Variants in HS3ST4 observed in about 807,000 individuals in gnomAD.
HS3ST4 encodes the protein heparan sulfate glucosamine 3-O-sulfotransferase 4.
In HS3ST4, 17 loss-of-function variants were observed where a neutral mutation model predicts 29.2. That is an observed-to-expected ratio of 0.58 (90% CI 0.40 to 0.87). The LOEUF is 0.87. Ranked by LOEUF, HS3ST4 falls within the 40% of genes least tolerant of loss-of-function variation. The probability of loss-of-function intolerance (pLI) is 0.00; values close to 1 mark genes in which losing one functional copy is unlikely to be tolerated. For synonymous variants in HS3ST4, 314 were observed against 285.7 expected, an observed-to-expected ratio of 1.10 and a Z score of -1.00; for missense variants, 627 against 634.5, an observed-to-expected ratio of 0.99 and a Z score of 0.13.
chr16:25,803,392 A>T (rs1294967265), intron 1 of HS3ST4, among the ~76,000 whole-genome samples: 1 of 152,182 alleles, frequency 6.6e-6, no homozygotes. Context: ...GGTGGAGCAG[A>T]CATTTCTTGA....
At chr16:25,844,092 A>G (rs148814460) in intron 1 of HS3ST4, among the ~76,000 whole-genome samples, 173 of 152,318 alleles carry the variant, frequency 1.1e-3, no homozygotes, top group African/African-American at 3.8e-3. Flanking sequence ...TTTGTTTTTT[A>G]AATCTCCCAA....
chr16:25,860,579 G>A (rs566182348), intron 1 of HS3ST4, among the ~76,000 whole-genome samples: 49 of 152,058 alleles, frequency 3.2e-4, no homozygotes, highest in African/African-American at 1.2e-3. Context: ...AAGATATGAA[G>A]GAACCTTAAA....
At chr16:25,955,897 C>G (rs1289589894) in intron 1 of HS3ST4, among the ~76,000 whole-genome samples, 1 of 151,562 alleles carries the variant, frequency 6.6e-6, no homozygotes, top group South Asian at 2.1e-4. Flanking sequence ...TCACTGCAAC[C>G]TCCACCTCCT....
intron 1 of HS3ST4, among the ~76,000 whole-genome samples, chr16:26,013,031 C>T (rs62034500): frequency 0.015 from 2,284 of 152,032 alleles, 23 homozygotes; most frequent in South Asian, 0.036. Context: ...GGTGTGGTGG[C>T]GCGTGCCTGT....
At chr16:25,838,047 A>G (rs1212806910) in intron 1 of HS3ST4, among the ~76,000 whole-genome samples, 1 of 152,252 alleles carries the variant, frequency 6.6e-6, no homozygotes, top group Non-Finnish European at 1.5e-5. Flanking sequence ...ATGAAGGTGC[A>G]GAGAACGGAC....
At chr16:25,726,968 G>T (rs933701042) in intron 1 of HS3ST4, among the ~76,000 whole-genome samples, 1 of 152,038 alleles carries the variant, frequency 6.6e-6, no homozygotes, top group Admixed American at 6.6e-5. Context: ...CTCAGAAGGG[G>T]TGTGGATTCG....
At chr16:25,817,782 T>G (rs1967109010) in intron 1 of HS3ST4, among the ~76,000 whole-genome samples, 1 of 152,260 alleles carries the variant, frequency 6.6e-6, no homozygotes, top group Admixed American at 6.5e-5. Context: ...TTTTATTGCT[T>G]ACATTAGTAA....
Position 25,692,622 on chromosome 16 carries a change from C to A in HS3ST4, c.205C>A (p.Pro69Thr). 7.3e-7 allele frequency: 1 copy of A among 1,370,822 alleles called. No homozygotes were observed. The highest frequency in any genetic ancestry group is 1.5e-5 in the South Asian group (1 of 65,580). 84.9% of individuals were successfully genotyped at this position (1,370,822 alleles called of 1,614,324 possible). ...LQFPLALQES[P>T]GAAAEPPPSP... The stretch of plus-strand genomic sequence containing the variant: ...ATTCCCTCTGGCGCTGCAGGAGTCG[C>A]CGGGCGCCGCCGCCGAGCCCCCGCC... The change falls in exon 1 of 2, where the codon CCG becomes ACG. Residue 69 changes from proline (P) to threonine (T), a missense_variant. By Grantham distance (38) the Pro-to-Thr change is conservative. Coordinates refer to ENST00000331351, the MANE Select transcript of HS3ST4 (RefSeq NM_006040.3).
At chr16:25,895,724 CAGAGGGAA>C (rs1968055594) in intron 1 of HS3ST4, among the ~76,000 whole-genome samples, 1 of 144,016 alleles carries the variant, frequency 6.9e-6, no homozygotes, top group South Asian at 2.4e-4. Flanking sequence ...ACTCACACAG[CAGAGGGAA>C]AGAGGGAAAG....
intron 1 of HS3ST4, among the ~76,000 whole-genome samples, chr16:25,974,886 T>C (rs1027081459): frequency 1.2e-4 from 19 of 152,128 alleles, no homozygotes; most frequent in Non-Finnish European, 2.8e-4. Context: ...TGCCATAATA[T>C]TTGGACTTAG....
chr16:25,949,518 C>G (rs1252353934), intron 1 of HS3ST4, among the ~76,000 whole-genome samples: 1 of 152,116 alleles, frequency 6.6e-6, no homozygotes, highest in African/African-American at 2.4e-5. Context: ...CAGAGCTGGA[C>G]AGAGGCTGAA....
intron 1 of HS3ST4, among the ~76,000 whole-genome samples, chr16:26,094,305 A>G (rs1898896412): frequency 1.3e-5 from 2 of 152,224 alleles, no homozygotes. Flanking sequence ...CCCAAGACAC[A>G]TAATTGTCAG....
At chr16:25,907,835 C>T (rs942058802) in intron 1 of HS3ST4, among the ~76,000 whole-genome samples, 3 of 152,222 alleles carry the variant, frequency 2.0e-5, no homozygotes, top group Admixed American at 6.5e-5. Flanking sequence ...ACCAAAGATG[C>T]GTACAGCTTC....
chr16:25,970,720 G>A (rs1258445990), intron 1 of HS3ST4, among the ~76,000 whole-genome samples: 1 of 152,012 alleles, frequency 6.6e-6, no homozygotes, highest in East Asian at 1.9e-4. Context: ...ACACTTGCTT[G>A]TTGTCTAGGT....
chr16:26,122,240 GC>G (rs1567317347), intron 1 of HS3ST4, among the ~76,000 whole-genome samples: 2 of 151,016 alleles, frequency 1.3e-5, no homozygotes, highest in Non-Finnish European at 1.5e-5. Flanking sequence ...CACATGCGTG[GC>G]AACCTTTCAA....
At chr16:25,806,480 T>A (rs1966992722) in intron 1 of HS3ST4, among the ~76,000 whole-genome samples, 1 of 152,138 alleles carries the variant, frequency 6.6e-6, no homozygotes, top group South Asian at 2.1e-4. Flanking sequence ...ATCCACCAAA[T>A]CCCTGTGCCA....
chr16:25,806,066 A>G (rs542769359), intron 1 of HS3ST4, among the ~76,000 whole-genome samples: 39 of 152,142 alleles, frequency 2.6e-4, no homozygotes, highest in African/African-American at 9.4e-4. Context: ...ATAGTATTTC[A>G]TGGTGTATGT....
At chr16:25,768,953 A>G (rs1336210508) in intron 1 of HS3ST4, among the ~76,000 whole-genome samples, 2 of 151,972 alleles carry the variant, frequency 1.3e-5, no homozygotes, top group Non-Finnish European at 2.9e-5. Flanking sequence ...CATAGTCCCC[A>G]CCATTCCCTG....
intron 1 of HS3ST4, among the ~76,000 whole-genome samples, chr16:26,050,518 T>C (rs1054489429): frequency 6.6e-6 from 1 of 152,106 alleles, no homozygotes; most frequent in African/African-American, 2.4e-5. Flanking sequence ...GAATGATAAA[T>C]AGTCATTGAG....
Sources: allele counts gnomAD v4.1 joint callset (sites outside exome capture counted in the v4.1 genomes callset), GRCh38; gene constraint gnomAD v4.1.1; transcripts MANE v1.5; gene names NCBI Gene and HGNC (gene_info 2026-07-23, HGNC 2026-07-21).